Variants in DLG2 observed in about 807,000 individuals in gnomAD.
DLG2 encodes the protein discs large MAGUK scaffold protein 2, also known as disks large homolog 2.
In DLG2, 45 loss-of-function variants were observed where a neutral mutation model predicts 132.5. That is an observed-to-expected ratio of 0.34 (90% CI 0.27 to 0.44). The LOEUF (loss-of-function observed/expected upper bound fraction) is 0.44. Ranked by LOEUF, DLG2 falls within the 20% of genes least tolerant of loss-of-function variation. The pLI is 1.00. For missense variants in DLG2, 1,045 were observed against 1,196.9 expected, an observed-to-expected ratio of 0.87 and a Z score of 1.87; for synonymous variants, 424 against 419.6, an observed-to-expected ratio of 1.01 and a Z score of -0.13.
intron 15 of DLG2, among the ~76,000 whole-genome samples, chr11:83,891,624 G>A (rs1403413227): frequency 1.3e-5 from 2 of 152,120 alleles, no homozygotes; most frequent in Non-Finnish European, 2.9e-5. Context: ...TGAATTCCAA[G>A]CCTTTCTGTT....
intron 3 of DLG2, among the ~76,000 whole-genome samples, chr11:85,598,234 G>C (rs2079915622): frequency 1.3e-5 from 2 of 151,990 alleles, no homozygotes; most frequent in South Asian, 4.1e-4. Flanking sequence ...TTTAAGAAGA[G>C]AGTAAAAGTG....
intron 8 of DLG2, among the ~76,000 whole-genome samples, chr11:84,173,391 G>A (rs1031456308): frequency 6.6e-6 from 1 of 152,138 alleles, no homozygotes; most frequent in Admixed American, 6.5e-5. Flanking sequence ...TGGTTGTAAG[G>A]CATCATGATA....
At chr11:84,443,836 AG>A (rs1262905082) in intron 7 of DLG2, among the ~76,000 whole-genome samples, 1 of 152,056 alleles carries the variant, frequency 6.6e-6, no homozygotes, top group Non-Finnish European at 1.5e-5. Context: ...GACTTGTCTT[AG>A]TTTTATTCAT....
intron 18 of DLG2, among the ~76,000 whole-genome samples, chr11:83,662,673 A>G (rs983445766): frequency 6.6e-6 from 1 of 152,134 alleles, no homozygotes; most frequent in Non-Finnish European, 1.5e-5. Context: ...GGCTCTTGCT[A>G]CTGGTCCTCT....
At position 84,950,435 on chromosome 11, in the gene DLG2, C is replaced by T. The variant is rs117728977; in HGVS notation, c.357+161226G>A. Among the ~76,000 whole-genome samples the T allele has an allele frequency of 1.9e-3, 293 of 152,218 alleles. 5 individuals are homozygous for T. In the East Asian group the frequency reaches 0.051, roughly 26 times the overall value. On this transcript the variant is annotated intron_variant, in intron 6 of 27. Transcript: ENST00000376104. ...ACAGATCTATTCCTCCTAACTTATA[C>T]AGTGACAAAAATTCTGAATGACAAA...
intron 6 of DLG2, among the ~76,000 whole-genome samples, chr11:84,761,640 C>T (rs934405087): frequency 3.9e-5 from 6 of 152,196 alleles, no homozygotes; most frequent in Non-Finnish European, 8.8e-5. Flanking sequence ...GAACATCAGA[C>T]TCCAAGTTCT....
chr11:84,309,496 G>A (rs943396919), intron 7 of DLG2, among the ~76,000 whole-genome samples: 7 of 152,200 alleles, frequency 4.6e-5, no homozygotes, highest in Non-Finnish European at 8.8e-5. Flanking sequence ...ATGACCCTGA[G>A]CAATTCTCTT....
chr11:85,354,668 T>C (rs1380623292), intron 3 of DLG2, among the ~76,000 whole-genome samples: 1 of 152,090 alleles, frequency 6.6e-6, no homozygotes, highest in Non-Finnish European at 1.5e-5. Flanking sequence ...GACATTTTGT[T>C]GAGAAACTGC....
intron 6 of DLG2, among the ~76,000 whole-genome samples, chr11:84,540,345 GAA>G (rs752804994): frequency 2.0e-4 from 23 of 116,386 alleles, no homozygotes; most frequent in African/African-American, 5.9e-4. Context: ...AAATTTACAA[GAA>G]AAAAAAAAAA....
chr11:83,798,146 T>C (rs1468491088), intron 17 of DLG2, among the ~76,000 whole-genome samples: 1 of 152,164 alleles, frequency 6.6e-6, no homozygotes, highest in Non-Finnish European at 1.5e-5. Flanking sequence ...ATCTGCCTGC[T>C]CTGAAAGCAG....
intron 7 of DLG2, among the ~76,000 whole-genome samples, chr11:84,416,085 A>G (rs1239906127): frequency 6.6e-6 from 1 of 152,154 alleles, no homozygotes; most frequent in African/African-American, 2.4e-5. Flanking sequence ...CTAAAACATC[A>G]AAAGATTAAT....
intron 3 of DLG2, among the ~76,000 whole-genome samples, chr11:85,491,773 C>T (rs1032250439): frequency 6.6e-6 from 1 of 151,958 alleles, no homozygotes; most frequent in Non-Finnish European, 1.5e-5. Flanking sequence ...GAGAGATATC[C>T]TATGTTCATG....
intron 6 of DLG2, among the ~76,000 whole-genome samples, chr11:84,728,870 A>G (rs1380024206): frequency 6.6e-6 from 1 of 152,006 alleles, no homozygotes; most frequent in African/African-American, 2.4e-5. Context: ...TTTCTAGTTT[A>G]TTTGCATGGA....
chr11:83,636,562 C>T (rs531506941), intron 18 of DLG2, among the ~76,000 whole-genome samples: 1 of 152,138 alleles, frequency 6.6e-6, no homozygotes, highest in Non-Finnish European at 1.5e-5. Context: ...CTTCCAAATT[C>T]TTCTGTTATT....
chr11:84,402,146 A>G (rs576608744), intron 7 of DLG2, among the ~76,000 whole-genome samples: 1 of 152,372 alleles, frequency 6.6e-6, no homozygotes, highest in Non-Finnish European at 1.5e-5. Context: ...TTTTCCATCA[A>G]GAGAAATTTT....
intron 16 of DLG2, among the ~76,000 whole-genome samples, chr11:83,872,279 T>A (rs2063613867): frequency 6.6e-6 from 1 of 152,156 alleles, no homozygotes; most frequent in African/African-American, 2.4e-5. Flanking sequence ...ATTGGCGAGT[T>A]GTATACTATT....
chr11:85,237,730 C>A (rs1420424463), intron 4 of DLG2, among the ~76,000 whole-genome samples: 1 of 151,980 alleles, frequency 6.6e-6, no homozygotes, highest in South Asian at 2.1e-4. Flanking sequence ...TACAGACTGT[C>A]AGACTGACAA....
intron 3 of DLG2, among the ~76,000 whole-genome samples, chr11:85,436,647 G>A (rs1202898167): frequency 1.3e-5 from 2 of 152,022 alleles, no homozygotes; most frequent in Non-Finnish European, 1.5e-5. Context: ...TATTTAAAAG[G>A]AAACAACGGA....
intron 6 of DLG2, among the ~76,000 whole-genome samples, chr11:84,663,939 C>T (rs1432619451): frequency 6.6e-6 from 1 of 152,164 alleles, no homozygotes; most frequent in East Asian, 1.9e-4. Flanking sequence ...CCCAGGCAGG[C>T]AAGCCATGAC....
Sources: gnomAD v4.1 joint callset for allele counts (sites outside exome capture counted in the v4.1 genomes callset) on GRCh38, gnomAD v4.1.1 for gene constraint, MANE v1.5 for transcripts, NCBI Gene and HGNC (gene_info 2026-07-23, HGNC 2026-07-21) for gene names.